Variants in CADPS2 observed in about 807,000 individuals in gnomAD.
CADPS2 encodes the protein calcium-dependent secretion activator 2.
Under a neutral mutation model 172.5 loss-of-function variants are expected in CADPS2, and 93 were observed. That is an observed-to-expected ratio of 0.54 (90% CI 0.46 to 0.64). The LOEUF is 0.64. CADPS2 is among the 30% of genes least tolerant of loss of function. The pLI is 0.00. For missense variants in CADPS2, 1,420 were observed against 1,565.9 expected, an observed-to-expected ratio of 0.91 and a Z score of 1.57; for synonymous variants, 546 against 555.2, an observed-to-expected ratio of 0.98 and a Z score of 0.23.
At chr7:122,756,728 G>A (rs944702738) in intron 1 of CADPS2, among the ~76,000 whole-genome samples, 8 of 151,932 alleles carry the variant, frequency 5.3e-5, no homozygotes, top group East Asian at 3.9e-4. Context: ...GTGAAACCCC[G>A]TCTCTACTAA....
chr7:122,617,234 C>A (rs1454342546), intron 5 of CADPS2, among the ~76,000 whole-genome samples: 1 of 152,134 alleles, frequency 6.6e-6, no homozygotes, highest in African/African-American at 2.4e-5. Context: ...GAACGTTTTA[C>A]CCTGCAGAAT....
chr7:122,808,294 T>C (rs1413965382), intron 1 of CADPS2, among the ~76,000 whole-genome samples: 1 of 152,212 alleles, frequency 6.6e-6, no homozygotes, highest in Non-Finnish European at 1.5e-5. Context: ...TTTTACAACA[T>C]TAGTATTTCT....
intron 17 of CADPS2, among the ~76,000 whole-genome samples, chr7:122,435,303 A>T (rs1001914011): frequency 6.6e-6 from 1 of 152,178 alleles, no homozygotes; most frequent in Non-Finnish European, 1.5e-5. Flanking sequence ...CTATAACTTA[A>T]CAGCAGAAAC....
intron 9 of CADPS2, among the ~76,000 whole-genome samples, chr7:122,495,943 G>T (rs1178374580): frequency 6.6e-6 from 1 of 152,014 alleles, no homozygotes; most frequent in African/African-American, 2.4e-5. Context: ...GTCACTTGGG[G>T]GTTTTGTCTT....
intron 6 of CADPS2, among the ~76,000 whole-genome samples, chr7:122,611,203 G>A (rs2074248742): frequency 6.6e-6 from 1 of 152,016 alleles, no homozygotes; most frequent in Admixed American, 6.6e-5. Context: ...GAAGTAAATA[G>A]TGCAGAATGA....
chr7:122,635,914 A>G (rs1422316774), intron 3 of CADPS2, among the ~76,000 whole-genome samples: 1 of 104,720 alleles, frequency 9.5e-6, no homozygotes, highest in Non-Finnish European at 1.9e-5. Flanking sequence ...CTGATATGAG[A>G]ATAGCAGCTC....
chr7:122,326,112 C>G (rs550501635), intron 28 of CADPS2, among the ~76,000 whole-genome samples: 1 of 151,064 alleles, frequency 6.6e-6, no homozygotes, highest in Admixed American at 6.6e-5. Context: ...AAACAGTAAT[C>G]CTCAATCACA....
intron 29 of CADPS2, among the ~76,000 whole-genome samples, chr7:122,320,687 G>GT (rs927707899): frequency 6.6e-5 from 10 of 152,058 alleles, no homozygotes; most frequent in Admixed American, 1.3e-4. Flanking sequence ...GAAATTATTA[G>GT]TTTTTTTAAT....
At chr7:122,468,811 G>A (rs1318510546) in intron 14 of CADPS2, among the ~76,000 whole-genome samples, 2 of 152,142 alleles carry the variant, frequency 1.3e-5, no homozygotes, top group African/African-American at 4.8e-5. Context: ...AACGTCACAG[G>A]AAACGTCATA....
chr7:122,841,260 GT>G (rs1417884043), intron 1 of CADPS2, among the ~76,000 whole-genome samples: 1 of 152,112 alleles, frequency 6.6e-6, no homozygotes, highest in African/African-American at 2.4e-5. Flanking sequence ...ACAAGGCATT[GT>G]TGCCTTTCTT....
At chr7:122,816,786 G>A (rs1801555028) in intron 1 of CADPS2, among the ~76,000 whole-genome samples, 1 of 152,248 alleles carries the variant, frequency 6.6e-6, no homozygotes, top group Middle Eastern at 3.4e-3. Context: ...GCACGTATAT[G>A]CCCAGATGGC....
In CADPS2 at chr7:122,471,582, T is replaced by C. The variant is rs2055947372; in HGVS notation, c.1999-20A>G. 6.5e-7 allele frequency: 1 copy of C among 1,535,350 alleles called. No individual in the cohort carries two copies. The highest frequency in any genetic ancestry group is 8.8e-7 in the Non-Finnish European group (1 of 1,140,518). ...CCATCCCTGCAAAATAAAAAAAGAA[T>C]AGATATACATGTTTTTTCTTTCTAT... On this transcript the variant is annotated intron_variant, in intron 13 of 29. Coordinates refer to ENST00000449022, the MANE Select transcript of CADPS2 (RefSeq NM_017954.11).
At chr7:122,793,864 T>C (rs1795806908) in intron 1 of CADPS2, among the ~76,000 whole-genome samples, 1 of 152,100 alleles carries the variant, frequency 6.6e-6, no homozygotes, top group Non-Finnish European at 1.5e-5. Context: ...CTGAAAAAGA[T>C]CTTATTTCCT....
chr7:122,742,984 TTTA>T (rs2138057476), intron 1 of CADPS2, among the ~76,000 whole-genome samples: 1 of 152,312 alleles, frequency 6.6e-6, no homozygotes, highest in East Asian at 1.9e-4. Context: ...GGGCAGTTGA[TTTA>T]TTATTATTTA....
chr7:122,873,433 T>G (rs1585076143), intron 1 of CADPS2, among the ~76,000 whole-genome samples: 1 of 152,184 alleles, frequency 6.6e-6, no homozygotes, highest in South Asian at 2.1e-4. Flanking sequence ...TGGTTTTCTA[T>G]TCCTGTGTTA....
At chr7:122,729,591 GTT>G (rs1221342089) in intron 2 of CADPS2, among the ~76,000 whole-genome samples, 1 of 148,250 alleles carries the variant, frequency 6.7e-6, no homozygotes, top group Non-Finnish European at 1.5e-5. Flanking sequence ...TTTCATTGTG[GTT>G]TTTATTTTTT....
intron 2 of CADPS2, among the ~76,000 whole-genome samples, chr7:122,704,962 T>A (rs1452571924): frequency 1.3e-5 from 2 of 151,938 alleles, no homozygotes; most frequent in African/African-American, 4.8e-5. Context: ...ATATCAATAG[T>A]AAGGTTAAGA....
At chr7:122,729,673 A>T (rs1165921707) in intron 2 of CADPS2, among the ~76,000 whole-genome samples, 3 of 119,388 alleles carry the variant, frequency 2.5e-5, no homozygotes, top group Non-Finnish European at 3.4e-5. Context: ...CCCATTTTTA[A>T]CGGTTTTTTT....
At chr7:122,479,235 C>T (rs1197018420) in intron 12 of CADPS2, among the ~76,000 whole-genome samples, 1 of 152,148 alleles carries the variant, frequency 6.6e-6, no homozygotes, top group Non-Finnish European at 1.5e-5. Flanking sequence ...AAATATAATA[C>T]AATTTACTGT....
Sources: gnomAD v4.1 joint callset for allele counts (sites outside exome capture counted in the v4.1 genomes callset) on GRCh38, gnomAD v4.1.1 for gene constraint, MANE v1.5 for transcripts, NCBI Gene and HGNC (gene_info 2026-07-23, HGNC 2026-07-21) for gene names.